KIFC3: variants seen among roughly 807,000 people sequenced by gnomAD.
KIFC3 encodes the protein kinesin-like protein KIFC3.
Under a neutral mutation model 101.8 loss-of-function variants are expected in KIFC3, and 60 were observed. The ratio of observed to expected loss-of-function variants is 0.59; its 90% CI spans 0.48 to 0.73. KIFC3 has a LOEUF of 0.73. Ranked by LOEUF, KIFC3 falls within the 30% of genes least tolerant of loss-of-function variation. The pLI, the probability that KIFC3 is intolerant of heterozygous loss-of-function variation, is 0.00. For synonymous variants in KIFC3, 476 were observed against 482.7 expected, an observed-to-expected ratio of 0.99 and a Z score of 0.18; for missense variants, 966 against 1,137.1, an observed-to-expected ratio of 0.85 and a Z score of 2.16.
At chr16:57,851,108 T>C (rs1336117572) in intron 1 of KIFC3, among the ~76,000 whole-genome samples, 3 of 152,092 alleles carry the variant, frequency 2.0e-5, no homozygotes, top group Non-Finnish European at 4.4e-5. Flanking sequence ...GCTCCTAGGC[T>C]CCAGGCATCC....
chr16:57,838,524 G>A (rs1035957668), intron 1 of KIFC3, among the ~76,000 whole-genome samples: 1 of 152,112 alleles, frequency 6.6e-6, no homozygotes, highest in African/African-American at 2.4e-5. Flanking sequence ...TAGACAAGAC[G>A]GTGTTCGGAA....
At chr16:57,815,721 C>T in intron 1 of KIFC3, 1 of 1,173,370 alleles carries the variant, frequency 8.5e-7, no homozygotes, top group Non-Finnish European at 1.1e-6. Context: ...TGTCTACTCC[C>T]TCAACTCCAC....
chr16:57,772,344 C>T, intron 3 of KIFC3, 56 bp from the exon 4 acceptor site: 1 of 1,462,512 alleles, frequency 6.8e-7, no homozygotes, highest in Non-Finnish European at 9.6e-7. Context: ...CCAGCCTACA[C>T]CCAGGCCTCC....
At chr16:57,853,104 T>C (rs2056091549) in intron 1 of KIFC3, among the ~76,000 whole-genome samples, 1 of 151,914 alleles carries the variant, frequency 6.6e-6, no homozygotes. Flanking sequence ...ATAGATAAAT[T>C]AAAATGGTAT....
chr16:57,811,544 A>G (rs1387582676), intron 1 of KIFC3, among the ~76,000 whole-genome samples: 1 of 151,718 alleles, frequency 6.6e-6, no homozygotes, highest in African/African-American at 2.4e-5. Context: ...GCAACGTGGC[A>G]AGACCCCATT....
chr16:57,823,016 T>C (rs745322514), intron 1 of KIFC3, among the ~76,000 whole-genome samples: 1 of 152,180 alleles, frequency 6.6e-6, no homozygotes, highest in Non-Finnish European at 1.5e-5. Context: ...TAACGTTAAC[T>C]TGAAAAACTG....
At chr16:57,797,753 G>A in intron 2 of KIFC3, 1 of 1,263,342 alleles carries the variant, frequency 7.9e-7, no homozygotes, top group Non-Finnish European at 1.0e-6. Context: ...CACGCTCTTG[G>A]CCAAGGACGG....
chr16:57,783,473 T>C (rs1285323236), intron 3 of KIFC3, among the ~76,000 whole-genome samples: 1 of 115,576 alleles, frequency 8.7e-6, no homozygotes, highest in Admixed American at 8.2e-5. Context: ...TTTTCTTTTC[T>C]TTTTTTTTTT....
At chr16:57,766,336 C>G (rs1555602960) in intron 10 of KIFC3, among the ~76,000 whole-genome samples, 1 of 152,236 alleles carries the variant, frequency 6.6e-6, no homozygotes, top group African/African-American at 2.4e-5. Context: ...CTTGCCTGTC[C>G]CATACCCAGG....
chr16:57,847,301 G>A (rs1299339741), intron 1 of KIFC3, among the ~76,000 whole-genome samples: 1 of 140,146 alleles, frequency 7.1e-6, no homozygotes, highest in Non-Finnish European at 1.6e-5. Context: ...GGGCGGGGAG[G>A]GAGGGAGGGA....
chr16:57,789,948 G>C, intron 3 of KIFC3, among the ~76,000 whole-genome samples: 1 of 151,878 alleles, frequency 6.6e-6, no homozygotes, highest in African/African-American at 2.4e-5. Context: ...CGTTGGCCAG[G>C]CTGGTCTCGA....
chr16:57,851,721 C>T (rs1269268514), intron 1 of KIFC3, among the ~76,000 whole-genome samples: 5 of 151,882 alleles, frequency 3.3e-5, no homozygotes, highest in African/African-American at 9.7e-5. Flanking sequence ...CCTGCACCAC[C>T]ACACCCGGCT....
Position 57,758,817 on chromosome 16 carries a change from G to A in KIFC3, c.*117C>T. 1.3e-6 allele frequency: 2 copies of A among 1,559,552 alleles called. No individual in the cohort carries two copies. The highest frequency in any genetic ancestry group is 1.8e-6 in the Non-Finnish European group (2 of 1,134,538). On this transcript the variant is annotated 3_prime_UTR_variant, in exon 20 of 20. Coordinates refer to ENST00000445690, the MANE Select transcript of KIFC3 (RefSeq NM_001130100.2). Reference sequence around the variant, plus strand: ...CTCCACTCTCGCCTCTACCTCCGGGGGTCCTGGCGCTGCAGCAGGGACAGG... The same window carrying A: ...CTCCACTCTCGCCTCTACCTCCGGGAGTCCTGGCGCTGCAGCAGGGACAGG...
chr16:57,768,533 A>ACACACACACACACACG (rs782552995), intron 9 of KIFC3, among the ~76,000 whole-genome samples: 151 of 151,692 alleles, frequency 1.0e-3, no homozygotes, highest in African/African-American at 3.2e-3. Context: ...ACACACACAC[A>ACACACACACACACACG]CACGCACAAT....
chr16:57,760,325 C>T lies in KIFC3; in HGVS notation c.2324G>A (p.Arg775His), dbSNP rs782738870. Residue 775 changes from arginine (R) to histidine (H), a missense_variant, in exon 17 of 20, where the codon CGC becomes CAC. Physicochemically the swap from Arg to His is conservative, Grantham distance 29. This residue lies in a region of KIFC3 where 689 missense variants were observed against 884.6 expected (regional missense o/e 0.78). Transcript: ENST00000445690. ...TGACCAGGACCCAAGCTCTGCCCTG[C>T]GTAGCCCAGGCCCCAGCTCCACAGA... Reference protein sequence around the residue: ...VRSVELGPGLRRAELGSWSSQ... With the variant: ...VRSVELGPGLHRAELGSWSSQ... The T allele has an allele frequency of 5.6e-6, 9 of 1,613,928 alleles. No homozygotes were observed. The highest frequency in any genetic ancestry group is 4.5e-5 in the East Asian group (2 of 44,886).
Position 57,760,878 on chromosome 16 carries a change from C to T in KIFC3, c.2080G>A (p.Ala694Thr), listed in dbSNP as rs1555596086. The change falls in exon 16 of 20, where the codon GCG becomes ACG. Residue 694 changes from alanine (A) to threonine (T), a missense_variant. This residue lies in a region of KIFC3 where 689 missense variants were observed against 884.6 expected (regional missense o/e 0.78). Coordinates refer to ENST00000445690, the MANE Select transcript of KIFC3 (RefSeq NM_001130100.2). Reference protein sequence around the residue: ...SGAEGSRLREAQHINKSLSAL... With the variant: ...SGAEGSRLRETQHINKSLSAL... ...GACAGCGACTTGTTGATGTGCTGCG[C>T]CTCCCGCAGGCGGCTGCCCTCGGCC... is the stretch of plus-strand genomic sequence containing the variant. 1 of 1,611,904 alleles carries T rather than the reference C, an allele frequency of 6.2e-7. No homozygotes were observed. Among genetic ancestry groups the T allele is most frequent in the Non-Finnish European group, 8.5e-7 (1 of 1,179,850 alleles).
At chr16:57,806,161 G>A (rs2054930301), upstream of KIFC3, among the ~76,000 whole-genome samples, 1 of 152,186 alleles carries the variant, frequency 6.6e-6, no homozygotes, top group Non-Finnish European at 1.5e-5. Flanking sequence ...AAGTCAGATT[G>A]TGTTTAATCT....
rs566631160 is a variant in KIFC3, at chr16:57,799,204, T to C, written c.-39-922A>G. 1.8e-4 allele frequency among the ~76,000 whole-genome samples: 27 copies of C among 152,254 alleles called. No homozygotes were observed. In the South Asian group the frequency reaches 5.6e-3, roughly 32 times the overall value. ...AGAGCTCAGGTATTCCCTGCAGAAGTCTTTATTGAGCACCTACTGTGTGCA... is the reference window on the plus strand; with the variant it reads ...AGAGCTCAGGTATTCCCTGCAGAAGCCTTTATTGAGCACCTACTGTGTGCA... On this transcript the variant is annotated intron_variant, in intron 1 of 19. Coordinates refer to ENST00000445690, the MANE Select transcript of KIFC3 (RefSeq NM_001130100.2).
At chr16:57,790,078 CTT>C (rs782291808) in intron 3 of KIFC3, among the ~76,000 whole-genome samples, 14 of 94,092 alleles carry the variant, frequency 1.5e-4, no homozygotes, top group African/African-American at 5.9e-4. Context: ...TTCTTTCTTT[CTT>C]TTTTTTTTTT....
Sources: allele counts gnomAD v4.1 joint callset (sites outside exome capture counted in the v4.1 genomes callset), GRCh38; gene constraint gnomAD v4.1.1; regional missense constraint gnomAD v4.1.1; transcripts MANE v1.5; gene names NCBI Gene and HGNC (gene_info 2026-07-23, HGNC 2026-07-21).